The following SH3RF3 variants were observed in gnomAD, a reference collection of about 807,000 sequenced individuals.
SH3RF3 encodes E3 ubiquitin-protein ligase SH3RF3.
Under a neutral mutation model 66.3 loss-of-function variants are expected in SH3RF3, and 29 were observed. The ratio of observed to expected loss-of-function variants is 0.44; its 90% CI spans 0.33 to 0.60. The LOEUF is 0.60. Ranked by LOEUF, SH3RF3 falls within the 20% of genes least tolerant of loss-of-function variation. The pLI is 0.04. For synonymous variants in SH3RF3, 583 were observed against 532.0 expected, an observed-to-expected ratio of 1.10 and a Z score of -1.32; for missense variants, 1,194 against 1,190.9, an observed-to-expected ratio of 1.00 and a Z score of -0.04.
chr2:109,355,520 A>G (rs1308232883), intron 2 of SH3RF3, among the ~76,000 whole-genome samples: 1 of 152,248 alleles, frequency 6.6e-6, no homozygotes, highest in Non-Finnish European at 1.5e-5. Context: ...TAATTGACCT[A>G]CAACTCCTGA....
At chr2:109,416,234 C>A (rs1676717399) in intron 4 of SH3RF3, among the ~76,000 whole-genome samples, 2 of 152,134 alleles carry the variant, frequency 1.3e-5, no homozygotes, top group Admixed American at 1.3e-4. Context: ...CCACGCCCAG[C>A]CCAGGTTGGG....
intron 7 of SH3RF3, among the ~76,000 whole-genome samples, chr2:109,444,685 T>A (rs1282866330): frequency 6.6e-6 from 1 of 152,052 alleles, no homozygotes; most frequent in Non-Finnish European, 1.5e-5. Flanking sequence ...TAAACCTAGT[T>A]CTAAGGGAGG....
chr2:109,380,554 A>C (rs148654259), intron 3 of SH3RF3, among the ~76,000 whole-genome samples: 1 of 152,356 alleles, frequency 6.6e-6, no homozygotes, highest in African/African-American at 2.4e-5. Context: ...AAGACAGCTT[A>C]GTAAGTTTTT....
intron 1 of SH3RF3, among the ~76,000 whole-genome samples, chr2:109,175,978 G>T (rs1677904297): frequency 6.6e-6 from 1 of 152,166 alleles, no homozygotes; most frequent in African/African-American, 2.4e-5. Flanking sequence ...AGATCAGAGA[G>T]CAAGCAGAAA....
intron 1 of SH3RF3, among the ~76,000 whole-genome samples, chr2:109,149,914 T>A (rs996482345): frequency 6.6e-6 from 1 of 152,226 alleles, no homozygotes. Flanking sequence ...AATCACTTTT[T>A]AATTGCAGCT....
At chr2:109,416,376 C>T (rs1161112850) in intron 4 of SH3RF3, among the ~76,000 whole-genome samples, 3 of 151,930 alleles carry the variant, frequency 2.0e-5, no homozygotes, top group Non-Finnish European at 2.9e-5. Context: ...GGGCAGATCA[C>T]CTGAGGTCAG....
chr2:109,401,532 G>A (rs772734835), intron 4 of SH3RF3, among the ~76,000 whole-genome samples: 1 of 152,224 alleles, frequency 6.6e-6, no homozygotes, highest in Non-Finnish European at 1.5e-5. Flanking sequence ...TATCTGGCCT[G>A]TGTCCTGTAA....
chr2:109,287,952 C>A (rs1040476218), intron 1 of SH3RF3, among the ~76,000 whole-genome samples: 1 of 152,228 alleles, frequency 6.6e-6, no homozygotes, highest in African/African-American at 2.4e-5. Flanking sequence ...AATAAGCAAG[C>A]CAGAGAAAGG....
intron 1 of SH3RF3, among the ~76,000 whole-genome samples, chr2:109,213,174 G>A (rs1362360099): frequency 1.3e-5 from 2 of 152,248 alleles, no homozygotes; most frequent in East Asian, 1.9e-4. Context: ...ACATGGGCGC[G>A]GTTGCTTATT....
chr2:109,367,350 C>T (rs1201652526), intron 2 of SH3RF3, among the ~76,000 whole-genome samples: 1 of 152,046 alleles, frequency 6.6e-6, no homozygotes, highest in Non-Finnish European at 1.5e-5. Context: ...GGTACAATCT[C>T]AGCTTACTGC....
intron 1 of SH3RF3, among the ~76,000 whole-genome samples, chr2:109,138,613 T>C (rs555766143): frequency 6.6e-6 from 1 of 152,354 alleles, no homozygotes; most frequent in South Asian, 2.1e-4. Flanking sequence ...TGGTTCATTC[T>C]AGTCTTCCTG....
intron 1 of SH3RF3, among the ~76,000 whole-genome samples, chr2:109,233,638 C>T (rs1679573020): frequency 6.6e-6 from 1 of 152,218 alleles, no homozygotes; most frequent in South Asian, 2.1e-4. Context: ...CTCTTCTACC[C>T]AGTATTTCCC....
intron 8 of SH3RF3, among the ~76,000 whole-genome samples, chr2:109,461,852 T>TG (rs1404082999): frequency 2.0e-5 from 3 of 152,158 alleles, no homozygotes; most frequent in Non-Finnish European, 4.4e-5. Flanking sequence ...CTATCAATTT[T>TG]GGGGGTCACT....
chr2:109,131,138 G>A (rs1403390598), intron 1 of SH3RF3, among the ~76,000 whole-genome samples: 1 of 152,160 alleles, frequency 6.6e-6, no homozygotes, highest in African/African-American at 2.4e-5. Flanking sequence ...TGAAATGCTG[G>A]GAACATTCTA....
intron 9 of SH3RF3, 76 bp from the exon 10 acceptor site, chr2:109,501,427 G>A (rs949095610): frequency 9.7e-5 from 64 of 657,112 alleles, no homozygotes; most frequent in Non-Finnish European, 1.6e-4. Flanking sequence ...AATTTACACC[G>A]AGGGAAGAAG....
At chr2:109,185,323 AT>A in intron 1 of SH3RF3, among the ~76,000 whole-genome samples, 1 of 152,292 alleles carries the variant, frequency 6.6e-6, no homozygotes, top group South Asian at 2.1e-4. Context: ...GTGTTTGCAT[AT>A]TTTTTTAAAC....
chr2:109,374,551 A>G (rs928231817), intron 3 of SH3RF3, among the ~76,000 whole-genome samples: 3 of 152,212 alleles, frequency 2.0e-5, no homozygotes, highest in Non-Finnish European at 2.9e-5. Flanking sequence ...TGAGAGAGTC[A>G]GACCCACCTG....
intron 8 of SH3RF3, among the ~76,000 whole-genome samples, chr2:109,468,160 G>A (rs1215776116): frequency 6.6e-6 from 1 of 152,218 alleles, no homozygotes; most frequent in Non-Finnish European, 1.5e-5. Flanking sequence ...ACATCACAGA[G>A]TGGACTCACA....
chr2:109,487,584 AT>A (rs1203207859), intron 8 of SH3RF3, among the ~76,000 whole-genome samples: 1 of 152,180 alleles, frequency 6.6e-6, no homozygotes, highest in African/African-American at 2.4e-5. Context: ...TATCCATCAC[AT>A]TTACGCACCC....
Sources: allele counts gnomAD v4.1 joint callset (sites outside exome capture counted in the v4.1 genomes callset), GRCh38; gene constraint gnomAD v4.1.1; transcripts MANE v1.5; gene names NCBI Gene and HGNC (gene_info 2026-07-23, HGNC 2026-07-21).